The following TNFRSF1A variants were observed in gnomAD, a reference collection of about 807,000 sequenced individuals.
The protein encoded by TNFRSF1A is tumor necrosis factor receptor superfamily member 1A.
Under a neutral mutation model 41.6 loss-of-function variants are expected in TNFRSF1A, and 9 were observed. The observed-to-expected ratio is 0.22, with a 90% confidence interval of 0.13 to 0.38. The LOEUF (loss-of-function observed/expected upper bound fraction) is 0.38. Ranked by LOEUF, TNFRSF1A falls within the 10% of genes least tolerant of loss-of-function variation. The pLI, the probability that TNFRSF1A is intolerant of heterozygous loss-of-function variation, is 1.00. For missense variants in TNFRSF1A, 463 were observed against 591.5 expected, an observed-to-expected ratio of 0.78 and a Z score of 2.25; for synonymous variants, 254 against 248.6, an observed-to-expected ratio of 1.02 and a Z score of -0.21.
rs377447554 is a variant in TNFRSF1A at position 6,336,683 on chromosome 12, G to A, written c.40-2439C>T. Among the ~76,000 whole-genome samples, 257 of 152,126 alleles carry A rather than the reference G, an allele frequency of 1.7e-3. 4 individuals carry two copies. The highest frequency in any genetic ancestry group is 0.01 in the Middle Eastern group (3 of 290). On this transcript the variant is annotated intron_variant, in intron 1 of 9. Coordinates refer to ENST00000162749, the MANE Select transcript of TNFRSF1A (RefSeq NM_001065.4). ...CAGGTCTGTGCCCTCCCTTCCCTGA[G>A]GGCCACTTGGCTCCTCCTAGCCCCT... is the stretch of plus-strand genomic sequence containing the variant.
intron 9 of TNFRSF1A, 78 bp from the exon 10 acceptor site, chr12:6,329,700 G>T (rs1375326079): frequency 4.6e-6 from 7 of 1,533,252 alleles, no homozygotes; most frequent in Non-Finnish European, 3.5e-6. Context: ...CGCCTCTCGT[G>T]GTCCCCTCTG....
At position 6,330,589 on chromosome 12, in the gene TNFRSF1A, C is replaced by T. The variant is rs757230761; in HGVS notation, c.739+9G>A. 6.9e-6 allele frequency: 11 copies of T among 1,599,360 alleles called. No individual in the cohort carries two copies. ...CCAGCTCCCTCTCCCTCCCAAAGCC[C>T]CCACTCACCAATGGAGTAGAGCTTG... On this transcript the variant is annotated intron_variant, in intron 7 of 9. Transcript: ENST00000162749.
chr12:6,329,678 T>C, intron 9 of TNFRSF1A, 56 bp from the exon 10 acceptor site: 1 of 1,527,554 alleles, frequency 6.5e-7, no homozygotes. Context: ...CCGCCCCGCA[T>C]CCCGCGCCCT....
Position 6,329,117 on chromosome 12 carries a change from C to T in TNFRSF1A, c.*195G>A, listed in dbSNP as rs3202413. ...AGGCTCTTGAGCCCACGGCGCACCT[C>T]TCTCCGCGCGCACAGCGCTGACTGT... On this transcript the variant is annotated 3_prime_UTR_variant, in exon 10 of 10. Coordinates refer to ENST00000162749, the MANE Select transcript of TNFRSF1A (RefSeq NM_001065.4). The T allele has an allele frequency of 1.0e-4, 52 of 496,686 alleles. No homozygotes were observed. Among genetic ancestry groups the T allele is most frequent in the Middle Eastern group, 5.3e-4 (1 of 1,874 alleles). 30.8% of individuals were successfully genotyped at this position (496,686 alleles called of 1,614,324 possible).
At chr12:6,335,762 C>G (rs1343656274) in intron 1 of TNFRSF1A, among the ~76,000 whole-genome samples, 1 of 152,188 alleles carries the variant, frequency 6.6e-6, no homozygotes, top group Non-Finnish European at 1.5e-5. Context: ...GCCTCACCAA[C>G]TCCACATTTC....
intron 5 of TNFRSF1A, chr12:6,331,168 G>T (rs953717305): frequency 3.6e-6 from 2 of 560,920 alleles, no homozygotes; most frequent in Non-Finnish European, 6.4e-6. Flanking sequence ...CAGGGTCAGG[G>T]TGTAAATTCC....
At chr12:6,338,436 C>T (rs1038509469) in intron 1 of TNFRSF1A, among the ~76,000 whole-genome samples, 2 of 152,102 alleles carry the variant, frequency 1.3e-5, no homozygotes, top group African/African-American at 4.8e-5. Context: ...CCCATCCGTC[C>T]TACACACTTT....
At position 6,337,081 on chromosome 12, in the gene TNFRSF1A, T is replaced by C. The variant is rs544163287; in HGVS notation, c.40-2837A>G. ...GGATGCCGGATGGAAGAACCAGCCC[T>C]GCTTCCTAGGCTTCCCCTGGCCCCC... On this transcript the variant is annotated intron_variant, in intron 1 of 9. Coordinates refer to ENST00000162749, the MANE Select transcript of TNFRSF1A (RefSeq NM_001065.4). This position sits in a 1 kb window ranked among gnomAD's most constrained non-coding sequence, Gnocchi z 4.6. Among the ~76,000 whole-genome samples the C allele has an allele frequency of 1.2e-4, 19 of 152,298 alleles. No individual in the cohort carries two copies. The East Asian group carries it at 1.5e-3, about 12-fold the overall frequency.
rs1323382829 is a variant in TNFRSF1A at position 6,329,800 on chromosome 12, G to A, written c.1035C>T (p.Ala345=). Reference sequence around the variant, plus strand: ...CACTGTCTAGGCTCTGTGGCTTGTGGGCGCTGTCCTCCCACTTCTGAAGGG... The same window carrying A: ...CACTGTCTAGGCTCTGTGGCTTGTGAGCGCTGTCCTCCCACTTCTGAAGGG... The part of the protein sequence containing the change: ...PNPLQKWEDS[A]HKPQSLDTDD... The change falls in exon 9 of 10, where the codon GCC becomes GCT. Residue 345 remains alanine, a synonymous_variant. Transcript: ENST00000162749. 4 of 1,602,384 alleles carry A rather than the reference G, an allele frequency of 2.5e-6. No homozygotes were observed. The highest frequency in any genetic ancestry group is 3.4e-5 in the Admixed American group (2 of 58,276).
At chr12:6,338,344 C>T (rs1191983950) in intron 1 of TNFRSF1A, among the ~76,000 whole-genome samples, 1 of 152,110 alleles carries the variant, frequency 6.6e-6, no homozygotes, top group African/African-American at 2.4e-5. Flanking sequence ...AGGCCTCCCC[C>T]TGTGATCTCT....
At position 6,341,080 on chromosome 12, in the gene TNFRSF1A, C is replaced by T. The variant is rs1334173399; in HGVS notation, c.39+696G>A. ...GCTCAGTCCCACAGCGGCTACCTGC[C>T]TAGCAGCAGGCAAAAGGGTAAAGAA... On this transcript the variant is annotated intron_variant, in intron 1 of 9. Coordinates refer to ENST00000162749, the MANE Select transcript of TNFRSF1A (RefSeq NM_001065.4). The surrounding 1 kb of genome is among the most constrained non-coding windows in gnomAD (Gnocchi z 4.6). 6.6e-6 allele frequency among the ~76,000 whole-genome samples: 1 copy of T among 152,146 alleles called. No individual in the cohort carries two copies. The highest frequency in any genetic ancestry group is 1.5e-5 in the Non-Finnish European group (1 of 68,022).
At chr12:6,332,965 C>T (rs974158376) in intron 5 of TNFRSF1A, 104 bp downstream of exon 5, 2 of 1,048,324 alleles carry the variant, frequency 1.9e-6, no homozygotes, top group Non-Finnish European at 3.0e-6. Flanking sequence ...ACCCTGAGCA[C>T]TCTGGGGCAT....
At chr12:6,338,132 C>T (rs1165807482) in intron 1 of TNFRSF1A, among the ~76,000 whole-genome samples, 2 of 152,178 alleles carry the variant, frequency 1.3e-5, no homozygotes, top group Admixed American at 1.3e-4. Flanking sequence ...TGCAGCACCT[C>T]TCCTCCAGCT....
chr12:6,338,792 G>A (rs986800662), intron 1 of TNFRSF1A, among the ~76,000 whole-genome samples: 44 of 151,940 alleles, frequency 2.9e-4, no homozygotes, highest in Admixed American at 3.9e-4. Context: ...ACCATGCCCC[G>A]CTAATCTTTG....
chr12:6,338,305 C>T (rs150233965), intron 1 of TNFRSF1A, among the ~76,000 whole-genome samples: 3 of 152,130 alleles, frequency 2.0e-5, no homozygotes, highest in South Asian at 2.1e-4. Context: ...CTATCCCTGC[C>T]GCCATCCCAT....
intron 8 of TNFRSF1A, 69 bp downstream of exon 8, chr12:6,330,198 A>T: frequency 6.2e-7 from 1 of 1,613,186 alleles, no homozygotes; most frequent in Non-Finnish European, 8.5e-7. Flanking sequence ...ATTCCAGGGG[A>T]TCTGAGCATT....
Position 6,330,882 on chromosome 12 carries a change from A to G in TNFRSF1A, c.596T>C (p.Ile199Thr), listed in dbSNP as rs104895247. The change falls in exon 6 of 10, where the codon ATT (isoleucine) becomes ACT (threonine). Residue 199 changes from isoleucine (I) to threonine (T), a missense_variant. By Grantham distance (89) the Ile-to-Thr change is moderately conservative. Coordinates refer to ENST00000162749, the MANE Select transcript of TNFRSF1A (RefSeq NM_001065.4). ...LECTKLCLPQIENVKGTEDSG... is the reference protein window; with the variant it reads ...LECTKLCLPQTENVKGTEDSG... ...GTCCTCAGTGCCCTTAACATTCTCA[A>G]TCTGGGGTAGGCACAACTTCGTGCA... 6.3e-5 allele frequency: 102 copies of G among 1,613,612 alleles called. No homozygotes were observed. The highest frequency in any genetic ancestry group is 7.7e-5 in the Non-Finnish European group (91 of 1,180,044).
rs533012174 is a variant in TNFRSF1A at position 6,329,653 on chromosome 12, C to T, written c.1058-31G>A. 6.5e-5 allele frequency: 102 copies of T among 1,578,344 alleles called. No homozygotes were observed. In the Middle Eastern group the frequency reaches 7.0e-4, roughly 11 times the overall value. ...GGGACGCGGGCCGGTGAGCCTCGGG[C>T]GGCAACCCCAGGCCCCGCCCCGCAT... On this transcript the variant is annotated intron_variant, in intron 9 of 9. Coordinates refer to ENST00000162749, the MANE Select transcript of TNFRSF1A (RefSeq NM_001065.4).
At chr12:6,339,328 C>T (rs1347843663) in intron 1 of TNFRSF1A, among the ~76,000 whole-genome samples, 1 of 152,192 alleles carries the variant, frequency 6.6e-6, no homozygotes, top group Non-Finnish European at 1.5e-5. Context: ...ATCTCTTGTT[C>T]CTTAATTCCT....
Sources: allele counts gnomAD v4.1 joint callset (sites outside exome capture counted in the v4.1 genomes callset), GRCh38; gene constraint gnomAD v4.1.1; non-coding constraint Gnocchi (gnomAD v3.1); transcripts MANE v1.5; gene names NCBI Gene and HGNC (gene_info 2026-07-23, HGNC 2026-07-21).